CA4: variants seen among roughly 807,000 people sequenced by gnomAD.
The protein encoded by CA4 is carbonic anhydrase 4.
Under a neutral mutation model 34.5 loss-of-function variants are expected in CA4, and 24 were observed. The observed-to-expected ratio is 0.70, with a 90% CI of 0.50 to 0.98. CA4 has a LOEUF of 0.98. Among genes scored for constraint, CA4 ranks in the 50% least tolerant of loss-of-function variants. The pLI, the probability that CA4 is intolerant of heterozygous loss-of-function variation, is 0.00. For synonymous variants in CA4, 178 were observed against 170.6 expected (o/e 1.04, Z -0.34); for missense variants, 394 against 396.7 (o/e 0.99, Z 0.06).
downstream of CA4, among the ~76,000 whole-genome samples, chr17:60,172,298 T>G (rs1397689360): frequency 6.6e-6 from 1 of 152,150 alleles, no homozygotes; most frequent in Non-Finnish European, 1.5e-5. Context: ...GGCTCCTCTC[T>G]CTGGCATGCC....
chr17:60,166,600 T>TGTC (rs1300274536), intron 5 of CA4, among the ~76,000 whole-genome samples: 3 of 152,248 alleles, frequency 2.0e-5, no homozygotes, highest in African/African-American at 7.2e-5. Flanking sequence ...GAGATGAGTA[T>TGTC]GTCTATTTTC....
downstream of CA4, among the ~76,000 whole-genome samples, chr17:60,164,176 CTCTCTCTT>C (rs2083828205): frequency 8.0e-6 from 1 of 124,700 alleles, no homozygotes; most frequent in African/African-American, 3.1e-5. Context: ...CTCCCTCTCT[CTCTCTCTT>C]TCTCTTTTTC....
At chr17:60,161,630 C>G (rs995430185), downstream of CA4, among the ~76,000 whole-genome samples, 10 of 151,844 alleles carry the variant, frequency 6.6e-5, no homozygotes, top group Non-Finnish European at 1.3e-4. Flanking sequence ...CTGACCACCC[C>G]CAGTCAGCCC....
chr17:60,173,054 A>C (rs564831799), downstream of CA4, among the ~76,000 whole-genome samples: 1 of 151,998 alleles, frequency 6.6e-6, no homozygotes. Context: ...GAGGCAGGAG[A>C]ATTGCTTGAA....
intron 1 of CA4, among the ~76,000 whole-genome samples, chr17:60,152,015 G>A (rs952556505): frequency 5.3e-5 from 8 of 152,110 alleles, no homozygotes; most frequent in African/African-American, 1.2e-4. Context: ...GGGTGAGCAA[G>A]GTCCATTAGA....
chr17:60,155,099 G>A (rs569201744), intron 1 of CA4, among the ~76,000 whole-genome samples: 1 of 152,296 alleles, frequency 6.6e-6, no homozygotes, highest in Non-Finnish European at 1.5e-5. Context: ...CCTGCCTGGG[G>A]AACAGAGCCC....
chr17:60,171,293 G>A (rs116975515), downstream of CA4, among the ~76,000 whole-genome samples: 599 of 152,324 alleles, frequency 3.9e-3, 2 homozygotes, highest in Admixed American at 1.0e-2. Context: ...GTGCTGCAGA[G>A]AGCTCTGCAA....
downstream of CA4, among the ~76,000 whole-genome samples, chr17:60,160,905 T>C (rs1444831544): frequency 1.5e-5 from 1 of 66,986 alleles, no homozygotes; most frequent in African/African-American, 6.0e-5. Flanking sequence ...CAGGGAGGAG[T>C]AGAGGGAGGG....
downstream of CA4, among the ~76,000 whole-genome samples, chr17:60,161,575 G>C (rs1158100949): frequency 6.6e-6 from 1 of 152,072 alleles, no homozygotes; most frequent in East Asian, 1.9e-4. Flanking sequence ...GCTGGTGGGA[G>C]AAGGTGGTCT....
At chr17:60,164,853 A>G (rs991007661) in intron 5 of CA4, among the ~76,000 whole-genome samples, 3 of 152,068 alleles carry the variant, frequency 2.0e-5, no homozygotes, top group African/African-American at 7.2e-5. Flanking sequence ...CAAGAGAGGA[A>G]TGCAGAAACA....
intron 5 of CA4, among the ~76,000 whole-genome samples, chr17:60,167,907 G>A (rs555224134): frequency 6.6e-6 from 1 of 152,078 alleles, no homozygotes; most frequent in Non-Finnish European, 1.5e-5. Flanking sequence ...GTGTATCCTC[G>A]TTTAGCCCCT....
At chr17:60,150,143 C>T (rs759927063) in intron 1 of CA4, 51 bp downstream of exon 1, 1 of 1,421,856 alleles carries the variant, frequency 7.0e-7, no homozygotes, top group East Asian at 2.3e-5. Context: ...CCCCTCCGTG[C>T]CCCCAGCTCC....
the CA4 span, among the ~76,000 whole-genome samples, chr17:60,176,554 G>C: frequency 1.3e-5 from 2 of 152,010 alleles, no homozygotes; most frequent in African/African-American, 2.4e-5. Context: ...CTCATCTCCT[G>C]ATCTGCACAA....
downstream of CA4, among the ~76,000 whole-genome samples, chr17:60,174,547 C>T (rs1598011652): frequency 6.6e-6 from 1 of 152,154 alleles, no homozygotes; most frequent in South Asian, 2.1e-4. Flanking sequence ...CTATTCCCAA[C>T]CAGGTTCTTA....
At chr17:60,176,951 A>G in the CA4 span, among the ~76,000 whole-genome samples, 1 of 152,192 alleles carries the variant, frequency 6.6e-6, no homozygotes, top group Non-Finnish European at 1.5e-5. Context: ...ACAGAGGCAG[A>G]GCTCAGGTGG....
At chr17:60,163,482 C>T (rs1009750546), downstream of CA4, among the ~76,000 whole-genome samples, 11 of 152,158 alleles carry the variant, frequency 7.2e-5, no homozygotes, top group African/African-American at 2.4e-4. Context: ...CTGCTGTCCC[C>T]GGTGACCTCA....
chr17:60,151,150 C>T (rs1267144996), intron 1 of CA4, among the ~76,000 whole-genome samples: 2 of 152,184 alleles, frequency 1.3e-5, no homozygotes, highest in Non-Finnish European at 2.9e-5. Context: ...TTTGCAACCC[C>T]AGACCCCATC....
At position 60,158,265 on chromosome 17, in the gene CA4, C is replaced by T. The variant is rs1481452636; in HGVS notation, c.581-18C>T. 2 of 1,613,888 alleles carry T rather than the reference C, an allele frequency of 1.2e-6. No homozygotes were observed. Among genetic ancestry groups the T allele is most frequent in the Non-Finnish European group, 1.7e-6 (2 of 1,179,794 alleles). ...CTTCTCCCACCCTCACTGACAGTGT[C>T]CTCTGCCCCTATCTCAGAGATGAGC... On this transcript the variant is annotated intron_variant, in intron 6 of 7. Transcript: ENST00000300900.
At chr17:60,176,861 C>G in the CA4 span, among the ~76,000 whole-genome samples, 1 of 152,214 alleles carries the variant, frequency 6.6e-6, no homozygotes. Context: ...TCATAAGGAG[C>G]ACACAACCTA....
Sources: allele counts gnomAD v4.1 joint callset (sites outside exome capture counted in the v4.1 genomes callset), GRCh38; gene constraint gnomAD v4.1.1; transcripts MANE v1.5; gene names NCBI Gene and HGNC (gene_info 2026-07-23, HGNC 2026-07-21).